TMEM178B: variants seen among roughly 807,000 people sequenced by gnomAD.
TMEM178B encodes transmembrane protein 178B.
Under a neutral mutation model 31.0 loss-of-function variants are expected in TMEM178B, and 5 were observed. The ratio of observed to expected loss-of-function variants is 0.16; its 90% CI spans 0.08 to 0.34. TMEM178B has a LOEUF of 0.34. TMEM178B is among the 10% of genes least tolerant of loss of function. The pLI is 1.00. For missense variants in TMEM178B, 275 were observed against 400.3 expected (o/e 0.69, Z 2.67); for synonymous variants, 164 against 164.0 (o/e 1.00, Z 0.00).
chr7:141,187,823 T>C (rs1796634855), intron 1 of TMEM178B, among the ~76,000 whole-genome samples: 1 of 152,222 alleles, frequency 6.6e-6, no homozygotes, highest in Admixed American at 6.5e-5. Flanking sequence ...TTTGAGTTCA[T>C]TGTAGATTCT....
chr7:141,393,020 A>G (rs886244013), intron 2 of TMEM178B, among the ~76,000 whole-genome samples: 2 of 152,178 alleles, frequency 1.3e-5, no homozygotes, highest in African/African-American at 2.4e-5. Context: ...TAAAGTAAAT[A>G]ATGCACCAGT....
chr7:141,381,726 G>A (rs1436989869), intron 2 of TMEM178B, among the ~76,000 whole-genome samples: 3 of 152,160 alleles, frequency 2.0e-5, no homozygotes, highest in African/African-American at 4.8e-5. Flanking sequence ...GGATAGGAGC[G>A]ACTTTTATGT....
At chr7:141,464,127 G>A (rs917321085) in intron 3 of TMEM178B, among the ~76,000 whole-genome samples, 12 of 152,090 alleles carry the variant, frequency 7.9e-5, no homozygotes, top group Admixed American at 5.9e-4. Flanking sequence ...CGAGCATGCC[G>A]TCTTACCGCA....
rs1802243908 is a variant in TMEM178B, at chr7:141,471,617, T to C, written c.*831T>C. ...TGGGCGGTTTCCTTTTTTTCTTTTC[T>C]ACCTTTTAAATGGAAATACTGCATT... On this transcript the variant is annotated 3_prime_UTR_variant, in exon 4 of 4. Coordinates refer to ENST00000565468, the MANE Select transcript of TMEM178B (RefSeq NM_001195278.2). The surrounding 1 kb of genome is among the most constrained non-coding windows in gnomAD (Gnocchi z 4.1). 1 of 152,048 alleles carries C rather than the reference T, an allele frequency of 6.6e-6. No individual in the cohort carries two copies. The highest frequency in any genetic ancestry group is 2.4e-5 in the African/African-American group (1 of 41,322). 9.4% of individuals were successfully genotyped at this position (152,048 alleles called of 1,614,324 possible).
chr7:141,508,307 C>T, the TMEM178B span, among the ~76,000 whole-genome samples: 1 of 152,244 alleles, frequency 6.6e-6, no homozygotes, highest in African/African-American at 2.4e-5. Flanking sequence ...AAGTTCCTCA[C>T]TCCATCTGAG....
chr7:141,115,451 A>G (rs1795303769), intron 1 of TMEM178B, among the ~76,000 whole-genome samples: 1 of 152,162 alleles, frequency 6.6e-6, no homozygotes, highest in South Asian at 2.1e-4. Context: ...GTTATAGGGA[A>G]AGAGTGAAAG....
intron 3 of TMEM178B, among the ~76,000 whole-genome samples, chr7:141,445,876 C>T (rs548174865): frequency 1.3e-5 from 2 of 152,350 alleles, no homozygotes; most frequent in African/African-American, 4.8e-5. Flanking sequence ...TAGAACATCA[C>T]AACTCATCTC....
chr7:141,253,789 T>C (rs562590098), intron 2 of TMEM178B, among the ~76,000 whole-genome samples: 1 of 152,182 alleles, frequency 6.6e-6, no homozygotes, highest in South Asian at 2.1e-4. Flanking sequence ...TGACCTCAGG[T>C]GATCCGCCTG....
chr7:141,137,898 G>A (rs954574254), intron 1 of TMEM178B, among the ~76,000 whole-genome samples: 4 of 152,106 alleles, frequency 2.6e-5, no homozygotes, highest in Non-Finnish European at 5.9e-5. Context: ...AGTTGACACA[G>A]TATTTAGTTG....
chr7:141,226,218 C>T (rs532371700), intron 2 of TMEM178B, among the ~76,000 whole-genome samples: 1 of 151,674 alleles, frequency 6.6e-6, no homozygotes, highest in African/African-American at 2.4e-5. Flanking sequence ...GGAACACCCT[C>T]TTGGGGGGAG....
chr7:141,232,286 C>T (rs35166563), intron 2 of TMEM178B, among the ~76,000 whole-genome samples: 8,496 of 152,086 alleles, frequency 0.056, 312 homozygotes, highest in East Asian at 0.14. Flanking sequence ...TGCATGTATC[C>T]TTATAATAGA....
At chr7:141,076,654 GAC>G (rs1240904884) in intron 1 of TMEM178B, among the ~76,000 whole-genome samples, 2 of 152,180 alleles carry the variant, frequency 1.3e-5, no homozygotes, top group Non-Finnish European at 2.9e-5. Flanking sequence ...TGGAAACAGA[GAC>G]AGGGAAAGGG....
At chr7:141,266,682 A>G (rs1350976063) in intron 2 of TMEM178B, among the ~76,000 whole-genome samples, 1 of 152,194 alleles carries the variant, frequency 6.6e-6, no homozygotes, top group African/African-American at 2.4e-5. Context: ...TGGTGCCTTT[A>G]GTCTCAGGGG....
At chr7:141,266,343 A>G (rs1798094011) in intron 2 of TMEM178B, among the ~76,000 whole-genome samples, 1 of 152,138 alleles carries the variant, frequency 6.6e-6, no homozygotes, top group South Asian at 2.1e-4. Flanking sequence ...ACCTCACCCC[A>G]GTGACCCTGG....
chr7:141,142,000 A>G (rs1015777874), intron 1 of TMEM178B, among the ~76,000 whole-genome samples: 1 of 152,168 alleles, frequency 6.6e-6, no homozygotes, highest in Non-Finnish European at 1.5e-5. Flanking sequence ...GTGTGATTCT[A>G]AGGTTTGGGG....
chr7:141,097,365 CAAAAAA>C (rs10718738), intron 1 of TMEM178B, among the ~76,000 whole-genome samples: 1 of 85,304 alleles, frequency 1.2e-5, no homozygotes, highest in Non-Finnish European at 2.2e-5. Context: ...GACTCCGTCT[CAAAAAA>C]AAAAAAAAAA....
chr7:141,470,044 T>C (rs921344225), intron 3 of TMEM178B, among the ~76,000 whole-genome samples: 5 of 152,210 alleles, frequency 3.3e-5, no homozygotes, highest in Non-Finnish European at 7.3e-5. Context: ...TTTGGAAGAA[T>C]TGTTGGTGAA....
chr7:141,446,957 C>G (rs912221842), intron 3 of TMEM178B, among the ~76,000 whole-genome samples: 2 of 152,128 alleles, frequency 1.3e-5, no homozygotes, highest in African/African-American at 4.8e-5. Flanking sequence ...CACAAACGCA[C>G]TACATGCCAT....
rs147474951 is a variant in TMEM178B, at chr7:141,292,563, A to G, written c.496+79859A>G. ...ATGTTCTCGCATCACTAATGAACCAATATCCTTCCAGCTTCTTCCCCATAT... is the reference window on the plus strand; with the variant it reads ...ATGTTCTCGCATCACTAATGAACCAGTATCCTTCCAGCTTCTTCCCCATAT... On this transcript the variant is annotated intron_variant, in intron 2 of 3. Transcript: ENST00000565468. 2.6e-3 allele frequency among the ~76,000 whole-genome samples: 389 copies of G among 151,686 alleles called. 4 individuals carry two copies. The highest frequency in any genetic ancestry group is 9.0e-3 in the African/African-American group (370 of 41,336).
Sources: allele counts gnomAD v4.1 joint callset (sites outside exome capture counted in the v4.1 genomes callset), GRCh38; gene constraint gnomAD v4.1.1; non-coding constraint Gnocchi (gnomAD v3.1); transcripts MANE v1.5; gene names NCBI Gene and HGNC (gene_info 2026-07-23, HGNC 2026-07-21).